Variants in TUBGCP2 observed in about 807,000 individuals in gnomAD.
The protein encoded by TUBGCP2 is gamma-tubulin complex component 2.
In TUBGCP2, 55 loss-of-function variants were observed where a neutral mutation model predicts 92.2. The ratio of observed to expected loss-of-function variants is 0.60; its 90% CI spans 0.48 to 0.75. The LOEUF (loss-of-function observed/expected upper bound fraction) is 0.75. Among genes scored for constraint, TUBGCP2 ranks in the 30% least tolerant of loss-of-function variants. The pLI is 0.00. For missense variants in TUBGCP2, 1,093 were observed against 1,188.9 expected, an observed-to-expected ratio of 0.92 and a Z score of 1.19; for synonymous variants, 533 against 505.2, an observed-to-expected ratio of 1.06 and a Z score of -0.74.
chr10:133,284,021 G>A lies in TUBGCP2; in HGVS notation c.2025-19C>T, dbSNP rs367861479. 5.0e-5 allele frequency: 80 copies of A among 1,611,950 alleles called. No homozygotes were observed. In the African/African-American group the frequency reaches 8.5e-4, roughly 17 times the overall value. ...AGCAAACCTGAGTGACACGGAGGACGGAGGACAGCCATGGAGGACGCGGCC... is the reference window on the plus strand; with the variant it reads ...AGCAAACCTGAGTGACACGGAGGACAGAGGACAGCCATGGAGGACGCGGCC... On this transcript the variant is annotated intron_variant, in intron 13 of 17. Coordinates refer to ENST00000252936, the MANE Select transcript of TUBGCP2 (RefSeq NM_006659.4).
chr10:133,288,476 G>T (rs1025637760), intron 10 of TUBGCP2, among the ~76,000 whole-genome samples, 167 bp from the exon 11 acceptor site: 67 of 151,652 alleles, frequency 4.4e-4, no homozygotes, highest in African/African-American at 1.6e-3. Flanking sequence ...GCAGGCGTGA[G>T]CACGTGCCCA....
chr10:133,312,081 T>G, upstream of TUBGCP2: 2 of 1,457,532 alleles, frequency 1.4e-6, no homozygotes, highest in African/African-American at 1.4e-5. Flanking sequence ...CACCACTCAC[T>G]TTTCCTCATT....
Position 133,293,063 on chromosome 10 carries a change from T to A in TUBGCP2, c.1000A>T (p.Thr334Ser). 1 of 1,613,454 alleles carries A rather than the reference T, an allele frequency of 6.2e-7. No individual in the cohort carries two copies. Among genetic ancestry groups the A allele is most frequent in the South Asian group, 1.1e-5 (1 of 91,042 alleles). The change falls in exon 7 of 18, where the codon ACC becomes TCC. Residue 334 changes from threonine to serine, a missense_variant. Physicochemically the swap from Thr to Ser is moderately conservative, Grantham distance 58 (BLOSUM62 1). Coordinates refer to ENST00000252936, the MANE Select transcript of TUBGCP2 (RefSeq NM_006659.4). ...LWFYIQPAMRTMDILASLATS... is the reference protein window; with the variant it reads ...LWFYIQPAMRSMDILASLATS... Reference sequence around the variant, plus strand: ...CCGAGGGAGGCCAGGATGTCCATGGTGCGCATGGCTGGCTGGATGTAGAAC... The same window carrying A: ...CCGAGGGAGGCCAGGATGTCCATGGAGCGCATGGCTGGCTGGATGTAGAAC...
Position 133,293,119 on chromosome 10 carries a change from C to T in TUBGCP2, c.944G>A (p.Arg315Lys). 1 of 1,613,910 alleles carries T rather than the reference C, an allele frequency of 6.2e-7. No homozygotes were observed. Among genetic ancestry groups the T allele is most frequent in the Non-Finnish European group, 8.5e-7 (1 of 1,180,054 alleles). The stretch of plus-strand genomic sequence containing the variant: ...CTTCTGCAGCGAAAGGAGGCCCTGC[C>T]TGTGCAGCTGCTCCAGCTGTGACAC... ...ILVSQLEQLHRQGLLSLQKLW... is the reference protein window; with the variant it reads ...ILVSQLEQLHKQGLLSLQKLW... The change falls in exon 7 of 18, where the codon AGG becomes AAG. Residue 315 changes from arginine (R) to lysine (K), a missense_variant. This residue lies in a region of TUBGCP2 where 490 missense variants were observed against 488.5 expected (regional missense o/e 1.00). Coordinates refer to ENST00000252936, the MANE Select transcript of TUBGCP2 (RefSeq NM_006659.4).
chr10:133,307,979 C>T (rs1447532516), intron 1 of TUBGCP2, among the ~76,000 whole-genome samples: 2 of 152,220 alleles, frequency 1.3e-5, no homozygotes, highest in Non-Finnish European at 2.9e-5. Flanking sequence ...GGCATGGTGG[C>T]TCACGCCTGC....
At chr10:133,282,151 C>A (rs995199988) in intron 16 of TUBGCP2, 72 bp downstream of exon 16, 4 of 1,603,624 alleles carry the variant, frequency 2.5e-6, no homozygotes, top group Non-Finnish European at 3.4e-6. Context: ...GTTCTCCCTG[C>A]GTCAGGATGC....
upstream of TUBGCP2, chr10:133,309,200 C>T: frequency 1.6e-6 from 2 of 1,214,324 alleles, no homozygotes. Context: ...GACTGCGGGG[C>T]GGGGCCGGAG....
chr10:133,302,851 G>A lies in TUBGCP2; in HGVS notation c.91C>T (p.Leu31=), dbSNP rs1847706299. The A allele has an allele frequency of 1.2e-6, 2 of 1,613,714 alleles. No individual in the cohort carries two copies. The highest frequency in any genetic ancestry group is 1.3e-5 in the African/African-American group (1 of 74,916). ...TACGGGGTCCTGTTCTTTTGAAGCA[G>A]GTCAATGTAGACCTCAGCCCCATCT... ...GGDGAEVYID[L]LQKNRTPYVT... Residue 31 remains leucine, a synonymous_variant, in exon 2 of 18, where the codon CTG becomes TTG. Transcript: ENST00000252936.
At position 133,281,378 on chromosome 10, in the gene TUBGCP2, T is replaced by A; in HGVS notation, c.2468A>T (p.Asn823Ile). Residue 823 changes from asparagine to isoleucine, a missense_variant, in exon 17 of 18, where the codon AAC becomes ATC. By Grantham distance (149) the Asn-to-Ile change is moderately radical. Coordinates refer to ENST00000252936, the MANE Select transcript of TUBGCP2 (RefSeq NM_006659.4). The part of the protein sequence containing the change: ...QLVSGFEATI[N>I]KFDKNFSAHL... ...GGCTGAGAAGTTCTTGTCAAACTTG[T>A]TGATGGTGGCCTCGAAGCCGGACAC... 1.2e-6 allele frequency: 2 copies of A among 1,613,880 alleles called. No homozygotes were observed. Among genetic ancestry groups the A allele is most frequent in the Admixed American group, 3.3e-5 (2 of 60,018 alleles).
intron 2 of TUBGCP2, 101 bp downstream of exon 2, chr10:133,302,691 G>A (rs184357825): frequency 1.3e-5 from 19 of 1,494,360 alleles, no homozygotes; most frequent in African/African-American, 9.7e-5. Flanking sequence ...CAGGAACGGC[G>A]CTCACCCTGC....
At chr10:133,297,261 GC>G (rs1589832818) in intron 5 of TUBGCP2, 1 of 328,454 alleles carries the variant, frequency 3.0e-6, no homozygotes, top group East Asian at 1.1e-4. Flanking sequence ...AATTAGCCAG[GC>G]GTGGTGGCGC....
At position 133,285,607 on chromosome 10, in the gene TUBGCP2, G is replaced by A; in HGVS notation, c.1744C>T (p.Leu582Phe). ...DLKIDLMPHD[L>F]ITQLLRVLAI... ...AGGACGCGCAAGAGCTGAGTGATGAGGTCATGGGGCATCAGGTCGATCTTG... is the reference window on the plus strand; with the variant it reads ...AGGACGCGCAAGAGCTGAGTGATGAAGTCATGGGGCATCAGGTCGATCTTG... Residue 582 changes from leucine to phenylalanine, a missense_variant, in exon 12 of 18, where the codon CTC becomes TTC. By Grantham distance (22) the Leu-to-Phe change is conservative. Around this residue, in one of 3 missense-constraint regions of TUBGCP2, gnomAD observed 598 missense variants for 675.5 expected, o/e 0.89. Transcript: ENST00000252936. The surrounding 1 kb of genome is among the most constrained non-coding windows in gnomAD (Gnocchi z 6.8). The A allele has an allele frequency of 6.6e-7, 1 of 1,520,050 alleles. No homozygotes were observed. The highest frequency in any genetic ancestry group is 8.8e-7 in the Non-Finnish European group (1 of 1,132,790). The allele number at this position is 1,520,050 out of a possible 1,614,324, so 94.2% of individuals were successfully genotyped here.
At chr10:133,301,613 G>A (rs1289002069) in intron 2 of TUBGCP2, 1 of 147,356 alleles carries the variant, frequency 6.8e-6, no homozygotes, top group African/African-American at 2.5e-5. Context: ...CATTTTTACT[G>A]AAAATCTATA....
At chr10:133,306,800 T>C (rs539970344) in intron 1 of TUBGCP2, among the ~76,000 whole-genome samples, 1 of 151,452 alleles carries the variant, frequency 6.6e-6, no homozygotes, top group Non-Finnish European at 1.5e-5. Flanking sequence ...AAAATAATAA[T>C]AAAAAAAATA....
upstream of TUBGCP2, chr10:133,312,122 C>G (rs925552218): frequency 6.9e-7 from 1 of 1,440,158 alleles, no homozygotes; most frequent in Non-Finnish European, 9.1e-7. Flanking sequence ...GTCTCACTTG[C>G]AGTTGCTTCA....
chr10:133,305,359 C>A (rs1564775009), intron 1 of TUBGCP2, among the ~76,000 whole-genome samples: 2 of 152,204 alleles, frequency 1.3e-5, no homozygotes, highest in Admixed American at 1.3e-4. Context: ...ACACACATGA[C>A]CTTATCAATC....
chr10:133,284,621 A>G (rs1847082849), intron 13 of TUBGCP2, among the ~76,000 whole-genome samples: 6 of 152,108 alleles, frequency 3.9e-5, no homozygotes, highest in Admixed American at 3.9e-4. Flanking sequence ...TCAGCTTCCC[A>G]AAGTGCTGAG....
Position 133,299,411 on chromosome 10 carries a change from G to A in TUBGCP2, c.456+16C>T. The A allele has an allele frequency of 6.3e-7, 1 of 1,577,106 alleles. No individual in the cohort carries two copies. ...TGCTGCAGCATGGAGCCTGTGGACA[G>A]CCATGGACGCAGTACCTGCTGCAGC... On this transcript the variant is annotated intron_variant, in intron 4 of 17. Transcript: ENST00000252936.
chr10:133,284,533 C>CT (rs918260464), intron 13 of TUBGCP2, among the ~76,000 whole-genome samples: 10 of 151,408 alleles, frequency 6.6e-5, no homozygotes, highest in East Asian at 5.8e-4. Flanking sequence ...AAATAATTTT[C>CT]TTTTTTTTTA....
Sources: allele counts gnomAD v4.1 joint callset (sites outside exome capture counted in the v4.1 genomes callset), GRCh38; gene constraint gnomAD v4.1.1; regional missense constraint gnomAD v4.1.1; non-coding constraint Gnocchi (gnomAD v3.1); transcripts MANE v1.5; gene names NCBI Gene and HGNC (gene_info 2026-07-23, HGNC 2026-07-21).